SDK1: variants seen among roughly 807,000 people sequenced by gnomAD.
SDK1 encodes protein sidekick-1.
In SDK1, 157 loss-of-function variants were observed where a neutral mutation model predicts 245.5. That is an observed-to-expected ratio of 0.64 (90% CI 0.56 to 0.73). SDK1 has a LOEUF of 0.73. Among genes scored for constraint, SDK1 ranks in the 30% least tolerant of loss-of-function variants. The pLI, the probability that SDK1 is intolerant of heterozygous loss-of-function variation, is 0.00. For synonymous variants in SDK1, 1,647 were observed against 1,278.5 expected, an observed-to-expected ratio of 1.29 and a Z score of -6.15; for missense variants, 3,583 against 3,002.3, an observed-to-expected ratio of 1.19 and a Z score of -4.52.
At chr7:3,539,659 A>G (rs181593602) in intron 1 of SDK1, among the ~76,000 whole-genome samples, 27 of 152,366 alleles carry the variant, frequency 1.8e-4, no homozygotes, top group Admixed American at 5.2e-4. Flanking sequence ...TAGGTGCTCA[A>G]TAAAGGGTTG....
At chr7:3,317,180 C>CAAA (rs57138474) in intron 1 of SDK1, among the ~76,000 whole-genome samples, 6 of 32,712 alleles carry the variant, frequency 1.8e-4, no homozygotes, top group African/African-American at 2.1e-4. Context: ...GACTCTGTCT[C>CAAA]AAAAAAAAAA....
chr7:3,426,594 A>C (rs1392548021), intron 1 of SDK1, among the ~76,000 whole-genome samples: 1 of 152,208 alleles, frequency 6.6e-6, no homozygotes, highest in Non-Finnish European at 1.5e-5. Context: ...TCAGCAAAAT[A>C]TTAGCCTAGC....
At chr7:3,308,916 C>G (rs959123601) in intron 1 of SDK1, among the ~76,000 whole-genome samples, 1 of 152,056 alleles carries the variant, frequency 6.6e-6, no homozygotes, top group African/African-American at 2.4e-5. Context: ...CACGTAATGA[C>G]TATGGTGATT....
rs761646221 is a variant in SDK1, at chr7:3,658,613, T to C, written c.713+16508T>C. Among the ~76,000 whole-genome samples, 558 of 144,946 alleles carry C rather than the reference T, an allele frequency of 3.8e-3. 2 individuals carry two copies. Among genetic ancestry groups the C allele is most frequent in the South Asian group, 0.019 (81 of 4,326 alleles). Reference sequence around the variant, plus strand: ...TAGAGCTGTCACTACTATCTTCTTTTTTTTTTTTTTTTTTTTGAGACAGAC... The same window carrying C: ...TAGAGCTGTCACTACTATCTTCTTTCTTTTTTTTTTTTTTTTGAGACAGAC... On this transcript the variant is annotated intron_variant, in intron 4 of 44. Coordinates refer to ENST00000404826, the MANE Select transcript of SDK1 (RefSeq NM_152744.4).
intron 1 of SDK1, among the ~76,000 whole-genome samples, chr7:3,442,547 G>A (rs1207837933): frequency 6.6e-6 from 1 of 152,208 alleles, no homozygotes; most frequent in Non-Finnish European, 1.5e-5. Context: ...TATTGTGGTT[G>A]AGGGCATGAA....
intron 17 of SDK1, among the ~76,000 whole-genome samples, chr7:4,046,603 G>A (rs531189142): frequency 1.3e-5 from 2 of 152,290 alleles, no homozygotes; most frequent in African/African-American, 4.8e-5. Flanking sequence ...AGTGATATAT[G>A]TGTGAGTAAT....
intron 17 of SDK1, among the ~76,000 whole-genome samples, chr7:4,029,628 C>T (rs998434044): frequency 1.3e-5 from 2 of 152,180 alleles, no homozygotes; most frequent in Admixed American, 6.5e-5. Flanking sequence ...ACTCACATCA[C>T]CCAAGCAGGG....
intron 4 of SDK1, among the ~76,000 whole-genome samples, chr7:3,670,601 A>T (rs779025043): frequency 2.6e-5 from 4 of 152,212 alleles, no homozygotes; most frequent in Non-Finnish European, 4.4e-5. Flanking sequence ...AGTGACTGAC[A>T]GTTAATAAGC....
At chr7:3,315,309 GT>G (rs1779637953) in intron 1 of SDK1, among the ~76,000 whole-genome samples, 1 of 152,152 alleles carries the variant, frequency 6.6e-6, no homozygotes, top group Non-Finnish European at 1.5e-5. Flanking sequence ...AAGTTATACA[GT>G]ATCATACATC....
chr7:3,655,728 A>G (rs1783162555), intron 4 of SDK1, among the ~76,000 whole-genome samples: 1 of 151,870 alleles, frequency 6.6e-6, no homozygotes, highest in Non-Finnish European at 1.5e-5. Flanking sequence ...TTGGATGAAT[A>G]TATAAATAAT....
intron 1 of SDK1, among the ~76,000 whole-genome samples, chr7:3,362,977 C>T (rs909448493): frequency 6.6e-6 from 1 of 152,130 alleles, no homozygotes; most frequent in African/African-American, 2.4e-5. Context: ...ACAGAGAAAT[C>T]CTCTGCCCCC....
At chr7:3,548,069 A>G (rs9632558) in intron 1 of SDK1, among the ~76,000 whole-genome samples, 3,653 of 152,322 alleles carry the variant, frequency 0.024, 57 homozygotes, top group Middle Eastern at 0.034. Context: ...GAAAAATTGT[A>G]GTGTAGGGCA....
At chr7:4,220,929 G>T (rs994844297) in intron 39 of SDK1, among the ~76,000 whole-genome samples, 1 of 144,286 alleles carries the variant, frequency 6.9e-6, no homozygotes, top group Non-Finnish European at 1.5e-5. Context: ...GGCTACAGGT[G>T]CAAGCCACCA....
At chr7:3,989,267 G>C (rs919371548) in intron 14 of SDK1, among the ~76,000 whole-genome samples, 5 of 152,232 alleles carry the variant, frequency 3.3e-5, no homozygotes, top group Non-Finnish European at 7.3e-5. Flanking sequence ...CGGCAGACAA[G>C]AGAAGACAGC....
At chr7:4,260,367 G>A (rs529001121) in intron 44 of SDK1, among the ~76,000 whole-genome samples, 3 of 135,128 alleles carry the variant, frequency 2.2e-5, no homozygotes, top group South Asian at 2.6e-4. Context: ...TGTGTTCATC[G>A]TCACCTGATG....
intron 1 of SDK1, among the ~76,000 whole-genome samples, chr7:3,518,773 C>T (rs574310520): frequency 6.6e-6 from 1 of 151,938 alleles, no homozygotes; most frequent in African/African-American, 2.4e-5. Flanking sequence ...AGTGGAAGCT[C>T]CTCCAGCAAT....
chr7:3,668,449 C>G (rs930761417), intron 4 of SDK1, among the ~76,000 whole-genome samples: 1 of 152,200 alleles, frequency 6.6e-6, no homozygotes, highest in African/African-American at 2.4e-5. Context: ...GTTCCAAGGA[C>G]AAACATACAG....
intron 5 of SDK1, among the ~76,000 whole-genome samples, chr7:3,946,775 C>T (rs1168231175): frequency 6.6e-6 from 1 of 152,126 alleles, no homozygotes; most frequent in African/African-American, 2.4e-5. Context: ...AGGAGAGTCT[C>T]AGAGTGACGA....
intron 4 of SDK1, among the ~76,000 whole-genome samples, chr7:3,664,012 T>A (rs1783448206): frequency 6.6e-6 from 1 of 151,550 alleles, no homozygotes; most frequent in East Asian, 1.9e-4. Flanking sequence ...CCCTAACATC[T>A]CATTTTGGGT....
Sources: gnomAD v4.1 joint callset for allele counts (sites outside exome capture counted in the v4.1 genomes callset) on GRCh38, gnomAD v4.1.1 for gene constraint, MANE v1.5 for transcripts, NCBI Gene and HGNC (gene_info 2026-07-23, HGNC 2026-07-21) for gene names.